STK10: variants seen among roughly 807,000 people sequenced by gnomAD.
STK10 encodes serine/threonine-protein kinase 10.
In STK10, 78 loss-of-function variants were observed where a neutral mutation model predicts 113.8. The ratio of observed to expected loss-of-function variants is 0.69; its 90% CI spans 0.57 to 0.83. The LOEUF (loss-of-function observed/expected upper bound fraction) is 0.83, where lower values mean the gene tolerates loss of function less well. STK10 is among the 40% of genes least tolerant of loss of function. STK10 has a pLI of 0.00. For synonymous variants in STK10, 465 were observed against 494.7 expected, an observed-to-expected ratio of 0.94 and a Z score of 0.80; for missense variants, 1,109 against 1,280.1, an observed-to-expected ratio of 0.87 and a Z score of 2.04.
At chr5:172,103,236 G>T (rs1769032145) in intron 7 of STK10, among the ~76,000 whole-genome samples, 3 of 152,220 alleles carry the variant, frequency 2.0e-5, no homozygotes, top group African/African-American at 4.8e-5. Context: ...GTCCTCCCGA[G>T]GGGGTAATGC....
Position 172,187,636 on chromosome 5 carries a change from A to T in STK10, c.156+251T>A, listed in dbSNP as rs1308159854. On this transcript the variant is annotated intron_variant, in intron 1 of 18. Transcript: ENST00000176763. This position sits in a 1 kb window ranked among gnomAD's most constrained non-coding sequence, Gnocchi z 4.6. Reference sequence around the variant, plus strand: ...CGAGCGCAGTGCAGGACACACAGGAAGTGCTCCGAAACAGGGCTAGGGTGG... The same window carrying T: ...CGAGCGCAGTGCAGGACACACAGGATGTGCTCCGAAACAGGGCTAGGGTGG... 6.6e-6 allele frequency among the ~76,000 whole-genome samples: 1 copy of T among 152,192 alleles called. No individual in the cohort carries two copies. Among genetic ancestry groups the T allele is most frequent in the East Asian group, 1.9e-4 (1 of 5,182 alleles).
chr5:172,185,938 T>C (rs112963963), intron 1 of STK10, among the ~76,000 whole-genome samples: 10,980 of 152,066 alleles, frequency 0.072, 461 homozygotes, highest in African/African-American at 0.11. Flanking sequence ...CCCTACCCCA[T>C]AACAGGAAGT....
In STK10 at chr5:172,055,755, A is replaced by G. The variant is rs1767737541; in HGVS notation, c.2359T>C (p.Tyr787His). 1.3e-6 allele frequency: 2 copies of G among 1,520,322 alleles called. No homozygotes were observed. Among genetic ancestry groups the G allele is most frequent in the South Asian group, 1.3e-5 (1 of 79,644 alleles). 94.2% of individuals were successfully genotyped at this position (1,520,322 alleles called of 1,614,324 possible). ...AGCTGCTCTATCATGCGCTGGTTGT[A>G]GCGCTGCATCTGCTCCCGCTCCTGG... Reference protein sequence around the residue: ...HEKEREQMQRYNQRMIEQLKV... With the variant: ...HEKEREQMQRHNQRMIEQLKV... Residue 787 changes from tyrosine to histidine, a missense_variant, in exon 16 of 19, where the codon TAC (tyrosine) becomes CAC (histidine). By Grantham distance (83) the Tyr-to-His change is moderately conservative. Coordinates refer to ENST00000176763, the MANE Select transcript of STK10 (RefSeq NM_005990.4).
At chr5:172,063,385 T>A (rs543028809) in intron 13 of STK10, 49 of 152,342 alleles carry the variant, frequency 3.2e-4, no homozygotes, top group Non-Finnish European at 5.3e-4. Flanking sequence ...ATTTATCCAA[T>A]AAACAACAGG....
chr5:172,046,051 A>C (rs1767487601), intron 18 of STK10, among the ~76,000 whole-genome samples: 2 of 151,884 alleles, frequency 1.3e-5, no homozygotes, highest in South Asian at 4.2e-4. Context: ...ATATACTTAA[A>C]AGTGGACATC....
intron 1 of STK10, among the ~76,000 whole-genome samples, chr5:172,159,923 G>C (rs927040003): frequency 1.4e-5 from 2 of 147,220 alleles, no homozygotes; most frequent in Non-Finnish European, 3.0e-5. Flanking sequence ...GGATCACAAG[G>C]TCAGGAGTTT....
intron 2 of STK10, among the ~76,000 whole-genome samples, chr5:172,141,605 AAG>A (rs1044097738): frequency 1.3e-5 from 2 of 151,918 alleles, no homozygotes; most frequent in Non-Finnish European, 2.9e-5. Flanking sequence ...AAAAATTTAA[AAG>A]AGAGAAAAAT....
Position 172,096,504 on chromosome 5 carries a change from C to G in STK10, c.927G>C (p.Glu309Asp). ...TCTCTTCCATCACCTCGGCCTTGGCCTCAGCCACCAGCTCCCGCAGAGCCT... is the reference window on the plus strand; with the variant it reads ...TCTCTTCCATCACCTCGGCCTTGGCGTCAGCCACCAGCTCCCGCAGAGCCT... ...SNKALRELVA[E>D]AKAEVMEEIE... The change falls in exon 8 of 19, where the codon GAG becomes GAC. Residue 309 changes from glutamate (E) to aspartate (D), a missense_variant. By Grantham distance (45) the Glu-to-Asp change is conservative. This residue lies in a region of STK10 where 885 missense variants were observed against 991.1 expected (regional missense o/e 0.89). Transcript: ENST00000176763. The G allele has an allele frequency of 6.2e-7, 1 of 1,613,848 alleles. No homozygotes were observed. The highest frequency in any genetic ancestry group is 8.5e-7 in the Non-Finnish European group (1 of 1,180,050).
At chr5:172,113,512 T>C (rs1467145090) in intron 4 of STK10, among the ~76,000 whole-genome samples, 1 of 152,100 alleles carries the variant, frequency 6.6e-6, no homozygotes, top group Non-Finnish European at 1.5e-5. Context: ...ACGAAAATAA[T>C]CATGTTTCTG....
chr5:172,068,014 A>G (rs1231353831), intron 12 of STK10, among the ~76,000 whole-genome samples: 1 of 152,222 alleles, frequency 6.6e-6, no homozygotes, highest in Non-Finnish European at 1.5e-5. Context: ...GACACTAGGG[A>G]GGCCAAAAGC....
Position 172,133,297 on chromosome 5 carries a change from T to C in STK10, c.322-5876A>G, listed in dbSNP as rs1478456306. Reference sequence around the variant, plus strand: ...TGGAAAGATCCCTCTAGATGCATTATTAAGGAAAAAACAGTGGGTTGGGGA... The same window carrying C: ...TGGAAAGATCCCTCTAGATGCATTACTAAGGAAAAAACAGTGGGTTGGGGA... On this transcript the variant is annotated intron_variant, in intron 2 of 18. Transcript: ENST00000176763. The surrounding 1 kb of genome is among the most constrained non-coding windows in gnomAD (Gnocchi z 4.9). 6.6e-6 allele frequency among the ~76,000 whole-genome samples: 1 copy of C among 152,076 alleles called. No homozygotes were observed. Among genetic ancestry groups the C allele is most frequent in the Non-Finnish European group, 1.5e-5 (1 of 68,002 alleles).
intron 1 of STK10, among the ~76,000 whole-genome samples, chr5:172,171,755 A>AGAATAGAATAGAATAGAATAG (rs1554124196): frequency 6.6e-6 from 1 of 152,196 alleles, no homozygotes; most frequent in African/African-American, 2.4e-5. Context: ...AGAATAGAAT[A>AGAATAGAATAGAATAGAATAG]GAATAGGCTG....
intron 3 of STK10, among the ~76,000 whole-genome samples, chr5:172,118,498 G>A (rs1293388208): frequency 6.6e-6 from 1 of 152,180 alleles, no homozygotes; most frequent in African/African-American, 2.4e-5. Flanking sequence ...TTTGGGCTAT[G>A]TCTTAAAGGA....
At chr5:172,071,334 T>A (rs1301488703) in intron 12 of STK10, among the ~76,000 whole-genome samples, 14 of 25,410 alleles carry the variant, frequency 5.5e-4, no homozygotes, top group Admixed American at 1.5e-3. Context: ...TGAGGCAGGA[T>A]AGGTAGCAAA....
intron 10 of STK10, among the ~76,000 whole-genome samples, chr5:172,085,203 C>A (rs1173239399): frequency 6.6e-6 from 1 of 151,816 alleles, no homozygotes; most frequent in African/African-American, 2.4e-5. Context: ...CGTGACTATG[C>A]CGCTTGCACT....
At chr5:172,143,376 A>C (rs1450084996) in intron 2 of STK10, among the ~76,000 whole-genome samples, 1 of 151,342 alleles carries the variant, frequency 6.6e-6, no homozygotes, top group Non-Finnish European at 1.5e-5. Flanking sequence ...AAAACAAAAC[A>C]AAAAAAAAGA....
chr5:172,107,287 C>T (rs1196422981), intron 5 of STK10, among the ~76,000 whole-genome samples: 1 of 152,112 alleles, frequency 6.6e-6, no homozygotes, highest in African/African-American at 2.4e-5. Context: ...ACACGGCAAA[C>T]AGAGAGTAGT....
In STK10 at chr5:172,061,195, C is replaced by A. The variant is rs201995192; in HGVS notation, c.2156G>T (p.Arg719Leu). The A allele has an allele frequency of 9.3e-6, 15 of 1,613,486 alleles. No homozygotes were observed. Among genetic ancestry groups the A allele is most frequent in the Non-Finnish European group, 1.3e-5 (15 of 1,179,928 alleles). The change falls in exon 14 of 19, where the codon CGG becomes CTG. Residue 719 changes from arginine to leucine, a missense_variant. Arg to Leu is a moderately radical substitution (Grantham distance 102). Around this residue, in one of 5 missense-constraint regions of STK10, gnomAD observed 885 missense variants for 991.1 expected, o/e 0.89. Transcript: ENST00000176763. ...AMKRLTTDNR[R>L]EICDKERECL... ...CTCGCGCTCCTTGTCACAGATCTCC[C>A]GCCTGTTGTCGGTGGTGAGCCTCTT... is the stretch of plus-strand genomic sequence containing the variant.
intron 12 of STK10, among the ~76,000 whole-genome samples, chr5:172,066,645 G>A (rs371833424): frequency 7.2e-5 from 11 of 152,146 alleles, no homozygotes; most frequent in Non-Finnish European, 1.0e-4. Context: ...AAAATCAGCC[G>A]GGTGTGGTGG....
Sources: allele counts gnomAD v4.1 joint callset (sites outside exome capture counted in the v4.1 genomes callset), GRCh38; gene constraint gnomAD v4.1.1; regional missense constraint gnomAD v4.1.1; non-coding constraint Gnocchi (gnomAD v3.1); transcripts MANE v1.5; gene names NCBI Gene and HGNC (gene_info 2026-07-23, HGNC 2026-07-21).